Variants in SNTG1 observed in about 807,000 individuals in gnomAD.
SNTG1 encodes the protein gamma-1-syntrophin.
Under a neutral mutation model 74.7 loss-of-function variants are expected in SNTG1, and 39 were observed. The observed-to-expected ratio is 0.52, with a 90% CI of 0.40 to 0.68. SNTG1 has a LOEUF of 0.68. Among genes scored for constraint, SNTG1 ranks in the 30% least tolerant of loss-of-function variants. The probability of loss-of-function intolerance (pLI) is 0.00; values close to 1 mark genes in which losing one functional copy is unlikely to be tolerated. For missense variants in SNTG1, 685 were observed against 609.5 expected (o/e 1.12, Z -1.30); for synonymous variants, 254 against 217.1 (o/e 1.17, Z -1.49).
intron 5 of SNTG1, among the ~76,000 whole-genome samples, chr8:50,448,756 C>T (rs959626283): frequency 3.9e-5 from 6 of 151,974 alleles, no homozygotes; most frequent in Non-Finnish European, 5.9e-5. Context: ...TACTGCAGGC[C>T]GGGTGCGGTG....
chr8:50,569,866 A>G (rs2094537122), intron 12 of SNTG1, among the ~76,000 whole-genome samples: 1 of 152,192 alleles, frequency 6.6e-6, no homozygotes, highest in Admixed American at 6.5e-5. Flanking sequence ...AGAGGTGCCA[A>G]CCAAAAATGG....
chr8:50,513,617 G>A (rs944864684), intron 9 of SNTG1, among the ~76,000 whole-genome samples: 10 of 152,316 alleles, frequency 6.6e-5, no homozygotes, highest in East Asian at 3.9e-4. Flanking sequence ...TGGCAATGGC[G>A]GATGCCCCTC....
At chr8:50,411,644 A>C (rs1168345635) in intron 4 of SNTG1, among the ~76,000 whole-genome samples, 1 of 152,052 alleles carries the variant, frequency 6.6e-6, no homozygotes, top group Non-Finnish European at 1.5e-5. Context: ...TTATTATTAG[A>C]GATTGTTAAA....
chr8:50,724,302 G>A (rs2095494820), intron 17 of SNTG1, among the ~76,000 whole-genome samples: 1 of 152,134 alleles, frequency 6.6e-6, no homozygotes, highest in African/African-American at 2.4e-5. Flanking sequence ...GTTTGGGAAA[G>A]GGGTGGGTGT....
At chr8:50,473,866 A>C (rs559599000) in intron 8 of SNTG1, among the ~76,000 whole-genome samples, 9 of 152,182 alleles carry the variant, frequency 5.9e-5, no homozygotes, top group Admixed American at 1.3e-4. Flanking sequence ...TAGAGTAATA[A>C]AACTCATAGA....
At chr8:49,922,927 C>G (rs1806685183) in intron 1 of SNTG1, among the ~76,000 whole-genome samples, 1 of 152,060 alleles carries the variant, frequency 6.6e-6, no homozygotes, top group Non-Finnish European at 1.5e-5. Flanking sequence ...CTGTTTTTCT[C>G]CATAAATGTA....
intron 2 of SNTG1, among the ~76,000 whole-genome samples, chr8:50,214,968 G>A (rs775239509): frequency 2.5e-4 from 38 of 152,140 alleles, no homozygotes; most frequent in Admixed American, 2.2e-3. Flanking sequence ...TTAGTGGCAC[G>A]TCCAGTGGCG....
At chr8:50,031,510 T>C (rs2130757273) in intron 1 of SNTG1, among the ~76,000 whole-genome samples, 1 of 152,188 alleles carries the variant, frequency 6.6e-6, no homozygotes, top group South Asian at 2.1e-4. Context: ...TTCTCTCAAT[T>C]CCTAGTTTAC....
intron 2 of SNTG1, among the ~76,000 whole-genome samples, chr8:50,290,137 TG>T (rs1473972264): frequency 6.6e-6 from 1 of 152,170 alleles, no homozygotes; most frequent in Non-Finnish European, 1.5e-5. Context: ...CACACAGGGC[TG>T]GGGTCTCTTT....
intron 1 of SNTG1, among the ~76,000 whole-genome samples, chr8:50,142,276 A>G (rs2081686945): frequency 6.6e-6 from 1 of 152,102 alleles, no homozygotes; most frequent in Non-Finnish European, 1.5e-5. Flanking sequence ...TGTGTTTTCT[A>G]CAGAAACCCA....
chr8:50,022,796 C>G (rs1039726869), intron 1 of SNTG1, among the ~76,000 whole-genome samples: 3 of 152,090 alleles, frequency 2.0e-5, no homozygotes, highest in African/African-American at 7.2e-5. Flanking sequence ...ATGCACAGTT[C>G]TTGGTTAAGT....
chr8:49,919,439 C>A (rs971096796), intron 1 of SNTG1, among the ~76,000 whole-genome samples: 25 of 152,088 alleles, frequency 1.6e-4, no homozygotes, highest in African/African-American at 6.0e-4. Context: ...AACACTTGTC[C>A]TCTACAATGC....
At chr8:49,986,310 AAG>A (rs1485151384) in intron 1 of SNTG1, among the ~76,000 whole-genome samples, 1 of 152,136 alleles carries the variant, frequency 6.6e-6, no homozygotes, top group African/African-American at 2.4e-5. Flanking sequence ...TCAGATAATG[AAG>A]AGTGTTCTAC....
rs924767887 is a variant in SNTG1 at position 50,450,561 on chromosome 8, C to G, written c.283C>G (p.Leu95Val). ...TTGTGCTTTTTCATTCACAGCGGAA[C>G]TTTCAGGACTACTTTTTATTGGAGA... ...SKISKEQRAE[L>V]SGLLFIGDAI... Residue 95 changes from leucine (L) to valine (V), a missense_variant, in exon 7 of 19, where the codon CTT (leucine) becomes GTT (valine). By Grantham distance (32) the Leu-to-Val change is conservative. Coordinates refer to ENST00000642720, the MANE Select transcript of SNTG1 (RefSeq NM_018967.5). 6.2e-7 allele frequency: 1 copy of G among 1,613,262 alleles called. No homozygotes were observed. Among genetic ancestry groups the G allele is most frequent in the Admixed American group, 1.7e-5 (1 of 59,998 alleles).
intron 18 of SNTG1, among the ~76,000 whole-genome samples, chr8:50,783,138 G>A (rs1046244206): frequency 2.0e-5 from 3 of 152,174 alleles, no homozygotes; most frequent in African/African-American, 7.2e-5. Context: ...CTGCTCGGGG[G>A]TCAGGGGTCA....
chr8:50,008,580 G>A (rs922235244), intron 1 of SNTG1, among the ~76,000 whole-genome samples: 3 of 152,098 alleles, frequency 2.0e-5, no homozygotes, highest in South Asian at 2.1e-4. Flanking sequence ...ATGAATGAAC[G>A]GATGATAGAT....
chr8:49,930,186 A>C (rs993982664), intron 1 of SNTG1, among the ~76,000 whole-genome samples: 3 of 152,102 alleles, frequency 2.0e-5, no homozygotes, highest in African/African-American at 7.2e-5. Flanking sequence ...AAGGTTATCA[A>C]ATTTTGAATT....
chr8:50,709,234 T>TATCA (rs1191251446), intron 17 of SNTG1: 4 of 413,976 alleles, frequency 9.7e-6, no homozygotes, highest in African/African-American at 8.2e-5. Context: ...TGTATCTATC[T>TATCA]ATCAATCATT....
At chr8:50,346,660 A>C (rs1186573650) in intron 2 of SNTG1, among the ~76,000 whole-genome samples, 5 of 152,378 alleles carry the variant, frequency 3.3e-5, no homozygotes. Flanking sequence ...TTGTGAATGC[A>C]AAGAGAAAGA....
Sources: gnomAD v4.1 joint callset for allele counts (sites outside exome capture counted in the v4.1 genomes callset) on GRCh38, gnomAD v4.1.1 for gene constraint, MANE v1.5 for transcripts, NCBI Gene and HGNC (gene_info 2026-07-23, HGNC 2026-07-21) for gene names.